Variants in GRB2 observed in about 807,000 individuals in gnomAD.
The protein encoded by GRB2 is growth factor receptor-bound protein 2.
GRB2 carries 2 observed loss-of-function variants against 27.4 expected under a neutral mutation model. The observed-to-expected ratio is 0.07, with a 90% CI of 0.03 to 0.23. GRB2 has a LOEUF of 0.23. GRB2 is among the 10% of genes least tolerant of loss of function. The pLI is 1.00. For missense variants in GRB2, 102 were observed against 282.4 expected (o/e 0.36, Z 4.58); for synonymous variants, 94 against 99.6 (o/e 0.94, Z 0.33).
chr17:75,388,148 G>A (rs1426199123), intron 2 of GRB2, among the ~76,000 whole-genome samples: 3 of 151,990 alleles, frequency 2.0e-5, no homozygotes, highest in Non-Finnish European at 4.4e-5. Context: ...CCAGGCTGGA[G>A]TGGAATGGCA....
intron 1 of GRB2, among the ~76,000 whole-genome samples, chr17:75,402,065 C>A (rs2079067562): frequency 6.6e-6 from 1 of 152,208 alleles, no homozygotes; most frequent in African/African-American, 2.4e-5. Context: ...AACACCACAG[C>A]TTAGCCTAGC....
chr17:75,398,371 G>A (rs773370938), intron 1 of GRB2, among the ~76,000 whole-genome samples: 1 of 150,488 alleles, frequency 6.6e-6, no homozygotes, highest in Non-Finnish European at 1.5e-5. Context: ...TGGGCTCAAG[G>A]GATCCTCTCA....
In GRB2 at chr17:75,321,640, T is replaced by G; in HGVS notation, c.468+19A>C. On this transcript the variant is annotated intron_variant, in intron 5 of 5. Transcript: ENST00000316804. ...ATTCTTAACTAAAAATGATCCCATC[T>G]CACCCTGATGAGGCTTACCTGTGGC... 1 of 1,612,338 alleles carries G rather than the reference T, an allele frequency of 6.2e-7. No homozygotes were observed. The highest frequency in any genetic ancestry group is 1.3e-5 in the African/African-American group (1 of 74,978).
intron 1 of GRB2, among the ~76,000 whole-genome samples, chr17:75,401,991 T>A (rs749866021): frequency 1.3e-5 from 2 of 152,258 alleles, no homozygotes; most frequent in Non-Finnish European, 2.9e-5. Context: ...GATATCCTGA[T>A]GAAACCATCA....
At chr17:75,345,969 CA>C (rs566301335) in intron 2 of GRB2, among the ~76,000 whole-genome samples, 77 of 152,166 alleles carry the variant, frequency 5.1e-4, no homozygotes, top group African/African-American at 1.8e-3. Context: ...TTACAATCAT[CA>C]GAAGTCGCTG....
At chr17:75,391,613 CCTGG>C (rs1250476075) in intron 2 of GRB2, among the ~76,000 whole-genome samples, 9 of 152,022 alleles carry the variant, frequency 5.9e-5, no homozygotes, top group Non-Finnish European at 1.0e-4. Context: ...TTGAGATCAT[CCTGG>C]CTAACATGGT....
intron 2 of GRB2, among the ~76,000 whole-genome samples, chr17:75,363,647 C>G (rs1437275104): frequency 6.9e-6 from 1 of 145,758 alleles, no homozygotes; most frequent in Admixed American, 7.0e-5. Flanking sequence ...ATCACCAAGT[C>G]AAGAGATCGA....
In GRB2 at chr17:75,320,389, G is replaced by A. The variant is rs1334815098; in HGVS notation, c.633C>T (p.Thr211=). The change falls in exon 6 of 6, where the codon ACC becomes ACT. Residue 211 remains threonine (T), a synonymous_variant. Transcript: ENST00000316804. This position sits in a 1 kb window ranked among gnomAD's most constrained non-coding sequence, Gnocchi z 4.3. ...ACTCTTAGACGTTCCGGTTCACGGGGGTGACATAATTGCGGGGAAACATGC... is the reference window on the plus strand; with the variant it reads ...ACTCTTAGACGTTCCGGTTCACGGGAGTGACATAATTGCGGGGAAACATGC... ...QTGMFPRNYV[T]PVNRNV 4 of 1,613,934 alleles carry A rather than the reference G, an allele frequency of 2.5e-6. No homozygotes were observed. In the South Asian group the frequency reaches 4.4e-5, roughly 18 times the overall value.
chr17:75,373,798 A>ATTT (rs567872973), intron 2 of GRB2: 11 of 72,864 alleles, frequency 1.5e-4, no homozygotes, highest in East Asian at 4.2e-4. Context: ...AGGTACTGGT[A>ATTT]TTTTTTTTTT....
intron 2 of GRB2, among the ~76,000 whole-genome samples, chr17:75,342,069 G>A (rs1268486421): frequency 2.6e-5 from 4 of 152,056 alleles, no homozygotes; most frequent in Admixed American, 6.6e-5. Flanking sequence ...ACTTTTCCTT[G>A]TCTACTGAAA....
intron 1 of GRB2, among the ~76,000 whole-genome samples, chr17:75,399,367 CTT>C (rs71161208): frequency 0.017 from 1,819 of 107,902 alleles, 38 homozygotes; most frequent in South Asian, 0.057. Context: ...ACAATCTTTT[CTT>C]TTTTTTTTTT....
rs1043375791 is a variant in GRB2, at chr17:75,401,376, C to T, written c.-138+4113G>A. Among the ~76,000 whole-genome samples, 59 of 138,656 alleles carry T rather than the reference C, an allele frequency of 4.3e-4. 2 individuals carry two copies. Among genetic ancestry groups the T allele is most frequent in the African/African-American group, 1.4e-3 (53 of 36,970 alleles). 91.0% of individuals were successfully genotyped at this position (138,656 alleles called of 152,430 possible). On this transcript the variant is annotated intron_variant, in intron 1 of 5. Coordinates refer to ENST00000316804, the MANE Select transcript of GRB2 (RefSeq NM_002086.5). ...AGGAGAATGGCGTGAACCCGGGAAG[C>T]GGAGCTTGCAGTGAGCCGAGATTGC...
At chr17:75,345,842 G>A (rs992154312) in intron 2 of GRB2, among the ~76,000 whole-genome samples, 14 of 152,230 alleles carry the variant, frequency 9.2e-5, no homozygotes, top group Admixed American at 4.6e-4. Flanking sequence ...CTCGGGGTGG[G>A]GGCTGCCTGA....
rs146120387 is a variant in GRB2 at position 75,390,814 on chromosome 17, T to A, written c.78+2737A>T. On this transcript the variant is annotated intron_variant, in intron 2 of 5. Transcript: ENST00000316804. ...CAGAGGATGAAGGCTAAGTGCCTATTTCATTATCTTGAAATGAAACTTATT... is the reference window on the plus strand; with the variant it reads ...CAGAGGATGAAGGCTAAGTGCCTATATCATTATCTTGAAATGAAACTTATT... Among the ~76,000 whole-genome samples, 345 of 152,280 alleles carry A rather than the reference T, an allele frequency of 2.3e-3. 2 individuals carry two copies. Among genetic ancestry groups the A allele is most frequent in the South Asian group, 0.022 (106 of 4,820 alleles).
chr17:75,344,365 T>C (rs2078641103), intron 2 of GRB2: 1 of 150,818 alleles, frequency 6.6e-6, no homozygotes, highest in African/African-American at 2.4e-5. Flanking sequence ...TAACTGGAAA[T>C]AACCTAAATA....
At chr17:75,390,817 A>C (rs2078993753) in intron 2 of GRB2, among the ~76,000 whole-genome samples, 3 of 152,160 alleles carry the variant, frequency 2.0e-5, no homozygotes, top group African/African-American at 7.2e-5. Flanking sequence ...TGCCTATTTC[A>C]TTATCTTGAA....
intron 2 of GRB2, among the ~76,000 whole-genome samples, chr17:75,369,855 CA>C (rs11368419): frequency 6.2e-5 from 9 of 144,710 alleles, no homozygotes; most frequent in East Asian, 2.0e-4. Context: ...GACTCCGTCT[CA>C]AAAAAAAAAA....
At chr17:75,343,435 TTA>T (rs1291197538) in intron 2 of GRB2, among the ~76,000 whole-genome samples, 1 of 152,198 alleles carries the variant, frequency 6.6e-6, no homozygotes, top group Non-Finnish European at 1.5e-5. Context: ...AAAAGTTTCT[TTA>T]TAATGTTCAT....
Position 75,381,771 on chromosome 17 carries a change from G to T in GRB2, c.78+11780C>A, listed in dbSNP as rs138650222. On this transcript the variant is annotated intron_variant, in intron 2 of 5. Transcript: ENST00000316804. ...AGAAAATAAAGATATATGAAATAAT[G>T]ACATGAAATGATCAACACTTCCCAA... Among the ~76,000 whole-genome samples the T allele has an allele frequency of 5.0e-4, 75 of 148,818 alleles. 1 individual carries two copies. Among genetic ancestry groups the T allele is most frequent in the African/African-American group, 1.8e-3 (74 of 40,364 alleles).
Sources: allele counts gnomAD v4.1 joint callset (sites outside exome capture counted in the v4.1 genomes callset), GRCh38; gene constraint gnomAD v4.1.1; non-coding constraint Gnocchi (gnomAD v3.1); transcripts MANE v1.5; gene names NCBI Gene and HGNC (gene_info 2026-07-23, HGNC 2026-07-21).